Variants in OPCML observed in about 807,000 individuals in gnomAD.
The protein encoded by OPCML is opioid-binding protein/cell adhesion molecule.
A neutral mutation model predicts 37.8 loss-of-function variants in OPCML; 13 were observed. The ratio of observed to expected loss-of-function variants is 0.34; its 90% confidence interval spans 0.22 to 0.55. OPCML has a LOEUF of 0.55. Ranked by LOEUF, OPCML falls within the 20% of genes least tolerant of loss-of-function variation. The pLI is 0.91. For missense variants in OPCML, 341 were observed against 435.6 expected, an observed-to-expected ratio of 0.78 and a Z score of 1.93; for synonymous variants, 176 against 168.8, an observed-to-expected ratio of 1.04 and a Z score of -0.33.
chr11:133,477,334 T>A (rs1376261452), intron 1 of OPCML, among the ~76,000 whole-genome samples: 2 of 152,124 alleles, frequency 1.3e-5, no homozygotes, highest in East Asian at 3.9e-4. Flanking sequence ...GGCTAGCAAT[T>A]TCACAAAGAA....
In OPCML at chr11:132,942,282, C is replaced by G. The variant is rs533748677; in HGVS notation, c.146+644G>C. Among the ~76,000 whole-genome samples, 12 of 152,330 alleles carry G rather than the reference C, an allele frequency of 7.9e-5. No homozygotes were observed. The East Asian group carries it at 2.3e-3, about 29-fold the overall frequency. On this transcript the variant is annotated intron_variant, in intron 2 of 7. Coordinates refer to ENST00000524381, the MANE Select transcript of OPCML (RefSeq NM_001012393.5). The stretch of plus-strand genomic sequence containing the variant: ...TCATTAAGGTAAAACAAAAAGCTCT[C>G]CTATTGTGCTTTTCACACAGAAGTG...
intron 2 of OPCML, among the ~76,000 whole-genome samples, chr11:132,658,098 G>T (rs1941791770): frequency 6.6e-6 from 1 of 152,156 alleles, no homozygotes; most frequent in South Asian, 2.1e-4. Flanking sequence ...TGACCTGCAG[G>T]CTGTCAGGTC....
At chr11:132,834,465 C>T (rs972414267) in intron 2 of OPCML, among the ~76,000 whole-genome samples, 4 of 152,202 alleles carry the variant, frequency 2.6e-5, no homozygotes, top group African/African-American at 9.6e-5. Context: ...AAGTCCAAAC[C>T]AAGGTGTTGG....
intron 2 of OPCML, among the ~76,000 whole-genome samples, chr11:132,758,078 T>C (rs1255341340): frequency 6.6e-6 from 1 of 152,220 alleles, no homozygotes; most frequent in Non-Finnish European, 1.5e-5. Flanking sequence ...TTGCTTGTTT[T>C]TGTCAGGTTT....
intron 2 of OPCML, among the ~76,000 whole-genome samples, chr11:132,667,432 A>G (rs989743217): frequency 2.6e-5 from 4 of 152,214 alleles, no homozygotes; most frequent in African/African-American, 9.6e-5. Context: ...ACAAAACTGC[A>G]TGAGACAAGG....
At chr11:132,477,552 ATATGGC>A (rs1435673892) in intron 4 of OPCML, among the ~76,000 whole-genome samples, 3 of 152,208 alleles carry the variant, frequency 2.0e-5, no homozygotes, top group Non-Finnish European at 4.4e-5. Context: ...AACAGTCAAG[ATATGGC>A]TAAGAGAAGA....
intron 1 of OPCML, among the ~76,000 whole-genome samples, chr11:133,144,791 A>T (rs55954240): frequency 0.056 from 8,529 of 152,306 alleles, 442 homozygotes; most frequent in African/African-American, 0.13. Flanking sequence ...TTTTGGTAAC[A>T]GGTAGCTAAG....
At chr11:132,578,948 C>T (rs140381194) in intron 3 of OPCML, among the ~76,000 whole-genome samples, 152 of 152,166 alleles carry the variant, frequency 1.0e-3, no homozygotes, top group Middle Eastern at 3.4e-3. Flanking sequence ...AACAAGCCTC[C>T]CACACCTGCC....
chr11:132,976,989 G>A (rs972774791), intron 1 of OPCML, among the ~76,000 whole-genome samples: 2 of 152,160 alleles, frequency 1.3e-5, no homozygotes, highest in Admixed American at 6.5e-5. Context: ...AGCACTAGAT[G>A]TTGACTGTGA....
At chr11:133,524,202 G>A (rs975940087) in intron 1 of OPCML, among the ~76,000 whole-genome samples, 6 of 152,154 alleles carry the variant, frequency 3.9e-5, no homozygotes, top group African/African-American at 7.2e-5. Context: ...CAGGATGTCC[G>A]CCATTCAGAA....
chr11:132,652,122 C>T (rs1941457488), intron 3 of OPCML, among the ~76,000 whole-genome samples: 1 of 152,110 alleles, frequency 6.6e-6, no homozygotes, highest in South Asian at 2.1e-4. Context: ...CACAGAGGGT[C>T]CAGGGTTTTC....
chr11:133,460,561 C>T (rs1227555934), intron 1 of OPCML, among the ~76,000 whole-genome samples: 2 of 151,850 alleles, frequency 1.3e-5, no homozygotes, highest in South Asian at 2.1e-4. Flanking sequence ...GTACTATAAA[C>T]GATTGTACAC....
At chr11:132,852,410 C>G (rs1361205301) in intron 2 of OPCML, among the ~76,000 whole-genome samples, 1 of 152,074 alleles carries the variant, frequency 6.6e-6, no homozygotes, top group Non-Finnish European at 1.5e-5. Flanking sequence ...CCCATGGGGT[C>G]CCTGAGATTT....
intron 3 of OPCML, among the ~76,000 whole-genome samples, chr11:132,630,159 A>G (rs1413724108): frequency 6.6e-6 from 1 of 152,246 alleles, no homozygotes; most frequent in Non-Finnish European, 1.5e-5. Flanking sequence ...CAGTGATTAT[A>G]CACCAATTAA....
At chr11:132,702,036 G>A (rs1361745409) in intron 2 of OPCML, among the ~76,000 whole-genome samples, 2 of 151,916 alleles carry the variant, frequency 1.3e-5, no homozygotes, top group African/African-American at 2.4e-5. Flanking sequence ...AATTATTATG[G>A]CTATAATTAT....
intron 1 of OPCML, chr11:133,008,506 G>A (rs1441937107): frequency 1.2e-6 from 1 of 862,750 alleles, no homozygotes; most frequent in Non-Finnish European, 1.4e-6. Flanking sequence ...TTCTCCAGGT[G>A]CCAGGAATAT....
At chr11:132,798,572 C>A (rs1938467137) in intron 2 of OPCML, among the ~76,000 whole-genome samples, 1 of 152,162 alleles carries the variant, frequency 6.6e-6, no homozygotes, top group African/African-American at 2.4e-5. Flanking sequence ...AATTCTAGTT[C>A]TCTTGCTGTT....
intron 2 of OPCML, among the ~76,000 whole-genome samples, chr11:132,754,995 G>A (rs1394134658): frequency 1.3e-5 from 2 of 152,260 alleles, no homozygotes; most frequent in South Asian, 4.1e-4. Context: ...ACACTAATGT[G>A]TATTCGAAAG....
At chr11:133,113,433 G>GA (rs1403014595) in intron 1 of OPCML, among the ~76,000 whole-genome samples, 7 of 152,070 alleles carry the variant, frequency 4.6e-5, no homozygotes, top group Non-Finnish European at 8.8e-5. Context: ...AAGCAGGAGA[G>GA]AAAAAAATAA....
Sources: gnomAD v4.1 joint callset for allele counts (sites outside exome capture counted in the v4.1 genomes callset) on GRCh38, gnomAD v4.1.1 for gene constraint, MANE v1.5 for transcripts, NCBI Gene and HGNC (gene_info 2026-07-23, HGNC 2026-07-21) for gene names.